Variants in NUP160 observed in about 807,000 individuals in gnomAD.
NUP160 encodes the protein nucleoporin 160, also known as nuclear pore complex protein Nup160.
A neutral mutation model predicts 196.9 loss-of-function variants in NUP160; 94 were observed. That is an observed-to-expected ratio of 0.48 (90% confidence interval 0.40 to 0.57). The LOEUF (loss-of-function observed/expected upper bound fraction) is 0.57, where lower values mean the gene tolerates loss of function less well. Among genes scored for constraint, NUP160 ranks in the 20% least tolerant of loss-of-function variants. The pLI is 0.00. For missense variants in NUP160, 1,638 were observed against 1,748.3 expected, an observed-to-expected ratio of 0.94 and a Z score of 1.13; for synonymous variants, 605 against 619.7, an observed-to-expected ratio of 0.98 and a Z score of 0.35.
chr11:47,845,223 C>T (rs534951561), intron 2 of NUP160, among the ~76,000 whole-genome samples: 2 of 152,288 alleles, frequency 1.3e-5, no homozygotes, highest in South Asian at 2.1e-4. Context: ...TCACTGCACC[C>T]TCCACCTCCT....
chr11:47,817,985 C>T, intron 11 of NUP160, 71 bp downstream of exon 11: 1 of 883,598 alleles, frequency 1.1e-6, no homozygotes, highest in Non-Finnish European at 1.8e-6. Flanking sequence ...TATGCAAAAA[C>T]TTAATAGTAA....
intron 32 of NUP160, among the ~76,000 whole-genome samples, chr11:47,786,084 A>G (rs547660894): frequency 3.3e-5 from 5 of 152,204 alleles, no homozygotes; most frequent in African/African-American, 4.8e-5. Context: ...GAGACAAGAT[A>G]TAAGAGGACA....
chr11:47,831,677 T>G (rs910830281), intron 7 of NUP160, among the ~76,000 whole-genome samples: 1 of 151,306 alleles, frequency 6.6e-6, no homozygotes, highest in African/African-American at 2.4e-5. Context: ...CCACCTCTAC[T>G]AAAAAAATAC....
chr11:47,828,352 G>A (rs905888082), intron 7 of NUP160, among the ~76,000 whole-genome samples: 5 of 151,944 alleles, frequency 3.3e-5, no homozygotes, highest in East Asian at 1.9e-4. Flanking sequence ...AAATAATTTC[G>A]TTTATAATAG....
intron 22 of NUP160, among the ~76,000 whole-genome samples, chr11:47,802,731 T>C (rs2135363749): frequency 6.6e-6 from 1 of 152,222 alleles, no homozygotes; most frequent in African/African-American, 2.4e-5. Context: ...TCCCAACACT[T>C]TGGGAGGCTG....
rs558804787 is a variant in NUP160 at position 47,847,644 on chromosome 11, G to A, written c.314+204C>T. Reference sequence around the variant, plus strand: ...GTGTTGCTTGGTGTATGTGTGTGTGGGGGTGGGGGGGGGGAGGGGGAGAGG... The same window carrying A: ...GTGTTGCTTGGTGTATGTGTGTGTGAGGGTGGGGGGGGGGAGGGGGAGAGG... On this transcript the variant is annotated intron_variant, in intron 2 of 35. Coordinates refer to ENST00000378460, the Ensembl canonical transcript of NUP160. 8.5e-3 allele frequency among the ~76,000 whole-genome samples: 861 copies of A among 100,922 alleles called. 13 individuals are homozygous for A. Among genetic ancestry groups the A allele is most frequent in the African/African-American group, 0.025 (796 of 32,168 alleles). 66.2% of individuals were successfully genotyped at this position (100,922 alleles called of 152,430 possible). A position where few individuals can be genotyped will look rare whatever the true frequency, so the allele number is the denominator to read the frequency against.
At chr11:47,841,175 T>C in intron 2 of NUP160, 1 of 166,274 alleles carries the variant, frequency 6.0e-6, no homozygotes. Flanking sequence ...TTATTACTCC[T>C]CAAAAGGAGC....
chr11:47,780,024 C>T (rs905153343), intron 35 of NUP160, among the ~76,000 whole-genome samples: 1 of 152,168 alleles, frequency 6.6e-6, no homozygotes, highest in African/African-American at 2.4e-5. Flanking sequence ...GCCACTGCGC[C>T]CGGCCTATCA....
chr11:47,800,637 A>G (rs2097673690), intron 23 of NUP160, among the ~76,000 whole-genome samples: 1 of 151,988 alleles, frequency 6.6e-6, no homozygotes, highest in African/African-American at 2.4e-5. Context: ...TGATCCGCCC[A>G]CCTCAGCCTC....
At chr11:47,803,406 T>C (rs2135364645) in intron 22 of NUP160, 32 bp downstream of exon 22, 1 of 1,329,058 alleles carries the variant, frequency 7.5e-7, no homozygotes, top group East Asian at 2.3e-5. Flanking sequence ...TTAAAGTTTA[T>C]AAAGTTTATT....
At chr11:47,844,782 C>A (rs939308013) in intron 2 of NUP160, among the ~76,000 whole-genome samples, 3 of 152,196 alleles carry the variant, frequency 2.0e-5, no homozygotes, top group Admixed American at 2.0e-4. Flanking sequence ...CTGAAACCTA[C>A]TGGGATGCAT....
At chr11:47,824,431 C>T (rs1197147960) in intron 7 of NUP160, among the ~76,000 whole-genome samples, 2 of 151,486 alleles carry the variant, frequency 1.3e-5, no homozygotes, top group South Asian at 4.2e-4. Context: ...CGGTGAAACG[C>T]CATCTCTACT....
rs185707803 is a variant in NUP160 at position 47,783,059 on chromosome 11, T to C, written c.4116+14A>G. The C allele has an allele frequency of 2.6e-4, 412 of 1,608,174 alleles. No individual in the cohort carries two copies. Among genetic ancestry groups the C allele is most frequent in the Non-Finnish European group, 3.4e-4 (402 of 1,176,638 alleles). On this transcript the variant is annotated intron_variant, in intron 34 of 35. Coordinates refer to ENST00000378460, the Ensembl canonical transcript of NUP160. ...CAAACCATTGTAAATTGGGGACCAT[T>C]TGTATATGCCTACCTCAATTCCGAA...
chr11:47,783,840 C>T (rs1486241612), intron 33 of NUP160, among the ~76,000 whole-genome samples: 8 of 151,908 alleles, frequency 5.3e-5, no homozygotes, highest in African/African-American at 1.5e-4. Flanking sequence ...ATTACAGGCA[C>T]GCACCATCAC....
chr11:47,781,425 G>A (rs997809254), intron 34 of NUP160, among the ~76,000 whole-genome samples: 2 of 151,828 alleles, frequency 1.3e-5, no homozygotes, highest in African/African-American at 4.8e-5. Flanking sequence ...ACCATGACCA[G>A]CTAATTTTTT....
At chr11:47,784,072 CT>C (rs1473887984) in intron 33 of NUP160, among the ~76,000 whole-genome samples, 3 of 151,818 alleles carry the variant, frequency 2.0e-5, no homozygotes, top group African/African-American at 7.3e-5. Flanking sequence ...CCAAAAAAAA[CT>C]TTCCTGATTT....
rs755001205 is a variant in NUP160, at chr11:47,804,635, G to A, written c.2607-17C>T. 15 of 1,493,184 alleles carry A rather than the reference G, an allele frequency of 1.0e-5. No individual in the cohort carries two copies. In the African/African-American group the frequency reaches 1.9e-4, roughly 19 times the overall value. The allele number at this position is 1,493,184 out of a possible 1,614,324, so 92.5% of individuals were successfully genotyped here. A position where few individuals can be genotyped will look rare whatever the true frequency, so the allele number is the denominator to read the frequency against. ...CTAGGCCATCTAGTCATTGGTTAAG[G>A]ATATTTCTTAATTTTTGTTGGCAAA... On this transcript the variant is annotated splice_polypyrimidine_tract_variant and intron_variant, in intron 20 of 35. Transcript: ENST00000378460.
chr11:47,789,776 C>T (rs144629595), intron 29 of NUP160, among the ~76,000 whole-genome samples: 371 of 151,868 alleles, frequency 2.4e-3, no homozygotes, highest in Middle Eastern at 0.014. Flanking sequence ...GTATAGTTGA[C>T]CCTTGAACAA....
chr11:47,808,576 G>T lies in NUP160; in HGVS notation c.2242-47C>A, dbSNP rs748252882. ...ACCAGACAAGAAATTATAGCAATTA[G>T]TAATGGTAACTCTTACGGCTCAGGT... On this transcript the variant is annotated intron_variant, in intron 17 of 35. Coordinates refer to ENST00000378460, the Ensembl canonical transcript of NUP160. 14 of 1,543,296 alleles carry T rather than the reference G, an allele frequency of 9.1e-6. No homozygotes were observed. The South Asian group carries it at 1.4e-4, about 15-fold the overall frequency.
Sources: gnomAD v4.1 joint callset for allele counts (sites outside exome capture counted in the v4.1 genomes callset) on GRCh38, gnomAD v4.1.1 for gene constraint, MANE v1.5 for transcripts, NCBI Gene and HGNC (gene_info 2026-07-23, HGNC 2026-07-21) for gene names.